USH2A: variants seen among roughly 807,000 people sequenced by gnomAD.
USH2A encodes Usher syndrome 2A (autosomal recessive, mild).
USH2A carries 443 observed loss-of-function variants against 538.9 expected under a neutral mutation model. That is an observed-to-expected ratio of 0.82 (90% CI 0.76 to 0.89). USH2A has a LOEUF of 0.89. Among genes scored for constraint, USH2A ranks in the 40% least tolerant of loss-of-function variants. USH2A has a pLI of 0.00. For missense variants in USH2A, 6,633 were observed against 6,324.8 expected, an observed-to-expected ratio of 1.05 and a Z score of -1.65; for synonymous variants, 2,413 against 2,273.5, an observed-to-expected ratio of 1.06 and a Z score of -1.75.
At position 216,081,072 on chromosome 1, in the gene USH2A, G is replaced by A. The variant is rs142692237; in HGVS notation, c.5298+2384C>T. On this transcript the variant is annotated intron_variant, in intron 26 of 71. Coordinates refer to ENST00000307340, the MANE Select transcript of USH2A (RefSeq NM_206933.4). Reference sequence around the variant, plus strand: ...GAGCTCAAAACAAGTTCTCATACCCGTATTAGTTTTCCTATAGTGTTTAGC... The same window carrying A: ...GAGCTCAAAACAAGTTCTCATACCCATATTAGTTTTCCTATAGTGTTTAGC... Among the ~76,000 whole-genome samples the A allele has an allele frequency of 3.2e-3, 481 of 152,110 alleles. 1 individual carries two copies. The highest frequency in any genetic ancestry group is 5.5e-3 in the Non-Finnish European group (372 of 67,978).
At chr1:215,948,613 A>G (rs1666818246) in intron 37 of USH2A, among the ~76,000 whole-genome samples, 1 of 151,984 alleles carries the variant, frequency 6.6e-6, no homozygotes, top group African/African-American at 2.4e-5. Context: ...TGGATTTACC[A>G]CAATGCCTTC....
chr1:216,154,071 A>G (rs2033892588), intron 21 of USH2A, among the ~76,000 whole-genome samples: 1 of 152,228 alleles, frequency 6.6e-6, no homozygotes, highest in Non-Finnish European at 1.5e-5. Context: ...CAGTAGCTTC[A>G]AGGCAATAAC....
chr1:215,831,930 C>T (rs145138202), intron 47 of USH2A, among the ~76,000 whole-genome samples: 30 of 151,844 alleles, frequency 2.0e-4, no homozygotes, highest in African/African-American at 7.0e-4. Flanking sequence ...AACAGAAAAA[C>T]GGGGGCACTT....
At chr1:216,310,732 AATT>A (rs1455996377) in intron 9 of USH2A, among the ~76,000 whole-genome samples, 2 of 152,124 alleles carry the variant, frequency 1.3e-5, no homozygotes, top group Non-Finnish European at 2.9e-5. Context: ...TGAATTTCTG[AATT>A]ATTTTTCTGT....
intron 32 of USH2A, among the ~76,000 whole-genome samples, chr1:216,002,513 CTA>C (rs148200083): frequency 0.012 from 1,875 of 152,208 alleles, 33 homozygotes; most frequent in African/African-American, 0.043. Context: ...TGGAGAAAAC[CTA>C]TAGTGTTTCA....
At chr1:215,993,210 A>G (rs1668047555) in intron 34 of USH2A, 43 bp from the exon 35 acceptor site, 5 of 1,613,898 alleles carry the variant, frequency 3.1e-6, no homozygotes, top group Non-Finnish European at 4.2e-6. Flanking sequence ...CTTGGTCCCA[A>G]AAGTTTTCAT....
chr1:215,785,404 G>A (rs1186575084), intron 52 of USH2A, among the ~76,000 whole-genome samples: 1 of 152,142 alleles, frequency 6.6e-6, no homozygotes, highest in Non-Finnish European at 1.5e-5. Context: ...TTTTGATGAT[G>A]GCATTATTTG....
At chr1:216,218,956 G>T (rs142332623) in intron 14 of USH2A, among the ~76,000 whole-genome samples, 58 of 150,504 alleles carry the variant, frequency 3.9e-4, no homozygotes, top group African/African-American at 1.4e-3. Context: ...ATATTAGTGA[G>T]CATAAACAAT....
intron 21 of USH2A, among the ~76,000 whole-genome samples, chr1:216,100,620 A>G (rs933452271): frequency 6.6e-6 from 1 of 152,214 alleles, no homozygotes; most frequent in Admixed American, 6.5e-5. Context: ...AAAACTCTCT[A>G]CCAGTGTGTT....
intron 21 of USH2A, among the ~76,000 whole-genome samples, chr1:216,113,340 C>T (rs2032922010): frequency 6.6e-6 from 1 of 152,026 alleles, no homozygotes; most frequent in Admixed American, 6.6e-5. Context: ...TGTCATCTAA[C>T]CGCCTTTTCA....
intron 21 of USH2A, among the ~76,000 whole-genome samples, chr1:216,162,760 C>A (rs537099310): frequency 1.3e-5 from 2 of 152,100 alleles, no homozygotes; most frequent in African/African-American, 4.8e-5. Context: ...GGTTTCTCTA[C>A]TGTGGTTAAG....
At chr1:215,822,451 T>A (rs1295252338) in intron 47 of USH2A, among the ~76,000 whole-genome samples, 1 of 152,038 alleles carries the variant, frequency 6.6e-6, no homozygotes, top group South Asian at 2.1e-4. Context: ...TAACTGCTAT[T>A]GATTTCTGTA....
At chr1:215,762,446 A>C (rs1661006300) in intron 56 of USH2A, among the ~76,000 whole-genome samples, 1 of 152,182 alleles carries the variant, frequency 6.6e-6, no homozygotes, top group Admixed American at 6.6e-5. Context: ...GGTTTGTTTC[A>C]ACCTTTAGGT....
At chr1:216,273,291 G>A (rs2036609298) in intron 11 of USH2A, among the ~76,000 whole-genome samples, 1 of 152,054 alleles carries the variant, frequency 6.6e-6, no homozygotes, top group Admixed American at 6.6e-5. Flanking sequence ...CAAGAGTTCT[G>A]CAGTGGGAAC....
rs190968559 is a variant in USH2A, at chr1:215,643,112, C to T, written c.14792-2378G>A. Among the ~76,000 whole-genome samples, 604 of 152,264 alleles carry T rather than the reference C, an allele frequency of 4.0e-3. 1 individual carries two copies. The highest frequency in any genetic ancestry group is 5.5e-3 in the Non-Finnish European group (373 of 68,030). On this transcript the variant is annotated intron_variant, in intron 67 of 71. Coordinates refer to ENST00000307340, the MANE Select transcript of USH2A (RefSeq NM_206933.4). ...CCAGGTTCAAGTGATTCTCACTACT[C>T]GGCCTCCCAAGTAGCTGAGATTACA...
In USH2A at chr1:216,284,438, TC is replaced by T. The variant is rs565797255; in HGVS notation, c.1971+4841del. The stretch of plus-strand genomic sequence containing the variant: ...CCATGTGAAGAAGGATGTGTTTGTT[TC>T]CCCTTCTGCCATGATTGTAAGTTTA... On this transcript the variant is annotated intron_variant, in intron 11 of 71. Transcript: ENST00000307340. Among the ~76,000 whole-genome samples the T allele has an allele frequency of 2.7e-3, 418 of 152,280 alleles. 1 individual carries two copies. The highest frequency in any genetic ancestry group is 9.7e-3 in the African/African-American group (404 of 41,556).
intron 45 of USH2A, 98 bp from the exon 46 acceptor site, chr1:215,844,594 C>A: frequency 8.0e-7 from 1 of 1,255,732 alleles, no homozygotes; most frequent in Non-Finnish European, 1.1e-6. Flanking sequence ...GCAAAGGGTT[C>A]CTCGCTTATC....
intron 38 of USH2A, among the ~76,000 whole-genome samples, chr1:215,911,112 G>A (rs908995240): frequency 3.4e-4 from 52 of 151,704 alleles, no homozygotes; most frequent in African/African-American, 1.2e-3. Context: ...TGGGGCACAT[G>A]AGATGTTTTG....
rs1399583868 is a variant in USH2A, at chr1:215,900,816, G to A, written c.7390C>T (p.Pro2464Ser). ...TGGAGTTGGTATCTGGGAGAGCCAG[G>A]AGCGTTATTACGAGCTGGTGTAGAC... Reference protein sequence around the residue: ...VWSTPARNNAPGSPRYQLQMR... With the variant: ...VWSTPARNNASGSPRYQLQMR... Residue 2464 changes from proline (P) to serine (S), a missense_variant, in exon 39 of 72, where the codon CCT becomes TCT. Physicochemically the swap from Pro to Ser is moderately conservative, Grantham distance 74. Transcript: ENST00000307340. 6.2e-7 allele frequency: 1 copy of A among 1,613,672 alleles called. No homozygotes were observed. Among genetic ancestry groups the A allele is most frequent in the African/African-American group, 1.3e-5 (1 of 74,890 alleles).
Sources: allele counts gnomAD v4.1 joint callset (sites outside exome capture counted in the v4.1 genomes callset), GRCh38; gene constraint gnomAD v4.1.1; transcripts MANE v1.5; gene names NCBI Gene and HGNC (gene_info 2026-07-23, HGNC 2026-07-21).